Variants in CSMD3 observed in about 807,000 individuals in gnomAD.
CSMD3 encodes CUB and Sushi multiple domains 3.
CSMD3 carries 177 observed loss-of-function variants against 435.2 expected under a neutral mutation model. That is an observed-to-expected ratio of 0.41 (90% CI 0.36 to 0.46). The LOEUF is 0.46. Ranked by LOEUF, CSMD3 falls within the 20% of genes least tolerant of loss-of-function variation. The probability of loss-of-function intolerance (pLI) is 0.34; values close to 1 mark genes in which losing one functional copy is unlikely to be tolerated. For synonymous variants in CSMD3, 1,656 were observed against 1,520.5 expected (o/e 1.09, Z -2.07); for missense variants, 4,265 against 4,504.6 (o/e 0.95, Z 1.52).
At chr8:113,216,440 G>T (rs1051776568) in intron 3 of CSMD3, among the ~76,000 whole-genome samples, 1 of 151,820 alleles carries the variant, frequency 6.6e-6, no homozygotes, top group Admixed American at 6.6e-5. Flanking sequence ...TATGAGTGAT[G>T]TTGTCAAGAG....
At position 112,335,333 on chromosome 8, in the gene CSMD3, A is replaced by G. The variant is rs112977033; in HGVS notation, c.7161T>C (p.Tyr2387=). The G allele has an allele frequency of 6.2e-7, 1 of 1,613,800 alleles. No homozygotes were observed. The highest frequency in any genetic ancestry group is 8.5e-7 in the Non-Finnish European group (1 of 1,179,780). ...GAACTCTCAGATAATACCAACCGTGATAACTGAGCACAAAAAAGCCACTTG... is the reference window on the plus strand; with the variant it reads ...GAACTCTCAGATAATACCAACCGTGGTAACTGAGCACAAAAAAGCCACTTG... ...FTTSGFFVLS[Y]HAYQLRVCQP... Residue 2387 remains tyrosine, a synonymous_variant, in exon 45 of 71, where the codon TAT becomes TAC. Transcript: ENST00000297405.
intron 27 of CSMD3, among the ~76,000 whole-genome samples, chr8:112,530,774 A>G (rs962362697): frequency 1.3e-5 from 2 of 152,188 alleles, no homozygotes; most frequent in African/African-American, 4.8e-5. Flanking sequence ...ATTGGGCAGA[A>G]TTCCAAAGCC....
At chr8:112,225,430 A>T (rs953681274) in intron 70 of CSMD3, among the ~76,000 whole-genome samples, 8 of 152,170 alleles carry the variant, frequency 5.3e-5, no homozygotes, top group African/African-American at 1.9e-4. Context: ...TAAAATAAAT[A>T]AAACCAAAAA....
chr8:112,599,583 G>A (rs1378853192), intron 22 of CSMD3, among the ~76,000 whole-genome samples: 13 of 150,398 alleles, frequency 8.6e-5, no homozygotes, highest in South Asian at 6.5e-4. Flanking sequence ...TGTTTATTGC[G>A]GCATTATTCA....
chr8:112,842,556 T>C (rs915642854), intron 11 of CSMD3, among the ~76,000 whole-genome samples: 3 of 151,740 alleles, frequency 2.0e-5, no homozygotes, highest in South Asian at 2.1e-4. Context: ...TTTGAACATA[T>C]ATATTCCAGG....
intron 5 of CSMD3, among the ~76,000 whole-genome samples, chr8:113,025,966 T>C (rs1432837042): frequency 7.2e-5 from 11 of 152,156 alleles, no homozygotes; most frequent in Admixed American, 2.0e-4. Context: ...CAATGACTAT[T>C]GGCTCCCATA....
At chr8:113,171,677 C>T (rs1319075551) in intron 4 of CSMD3, among the ~76,000 whole-genome samples, 1 of 152,088 alleles carries the variant, frequency 6.6e-6, no homozygotes, top group Non-Finnish European at 1.5e-5. Context: ...AGGTAACAAG[C>T]TCAGGCTTTG....
chr8:113,237,888 A>G (rs1230087893), intron 3 of CSMD3, among the ~76,000 whole-genome samples: 1 of 152,112 alleles, frequency 6.6e-6, no homozygotes, highest in Non-Finnish European at 1.5e-5. Context: ...CAGCCTGGCC[A>G]ATATGGTGAA....
chr8:112,513,061 T>A lies in CSMD3; in HGVS notation c.4756+3973A>T, dbSNP rs192204655. Among the ~76,000 whole-genome samples, 741 of 152,308 alleles carry A rather than the reference T, an allele frequency of 4.9e-3. 6 individuals are homozygous for A. The highest frequency in any genetic ancestry group is 0.01 in the Middle Eastern group (3 of 294). On this transcript the variant is annotated intron_variant, in intron 28 of 70. Transcript: ENST00000297405. ...TGGATTAGGTTTTGGCTTATGGGAA[T>A]GTTGTGGCTGGTTTGATCTTCTATT... is the stretch of plus-strand genomic sequence containing the variant.
rs1563653778 is a variant in CSMD3 at position 112,224,882 on chromosome 8, G to A, written c.11013C>T (p.Asn3671=). ...QYTGCSVHEN[N]NGQAAFENPM... is the part of the protein sequence containing the mutation. The stretch of plus-strand genomic sequence containing the variant: ...GATTTTCAAAAGCTGCTTGGCCATT[G>A]TTATTTTCATGAACTGAACATCCTG... Residue 3671 remains asparagine, a synonymous_variant, in exon 71 of 71, where the codon AAC becomes AAT. Transcript: ENST00000297405. The A allele has an allele frequency of 1.2e-6, 2 of 1,613,898 alleles. No individual in the cohort carries two copies. The highest frequency in any genetic ancestry group is 1.7e-6 in the Non-Finnish European group (2 of 1,179,910).
At chr8:112,414,703 G>C (rs949158188) in intron 32 of CSMD3, among the ~76,000 whole-genome samples, 1 of 152,102 alleles carries the variant, frequency 6.6e-6, no homozygotes, top group Non-Finnish European at 1.5e-5. Context: ...GGAAAGTTTG[G>C]AACTCCCTAA....
intron 38 of CSMD3, among the ~76,000 whole-genome samples, chr8:112,377,594 C>G (rs1169027633): frequency 6.6e-6 from 1 of 152,048 alleles, no homozygotes; most frequent in Non-Finnish European, 1.5e-5. Context: ...CAAAAATCCT[C>G]AACAACATGA....
intron 6 of CSMD3, among the ~76,000 whole-genome samples, chr8:112,979,912 CAAAAATGAAAT>C (rs2084987281): frequency 6.6e-6 from 1 of 150,786 alleles, no homozygotes; most frequent in South Asian, 2.1e-4. Context: ...CCTAAACTAA[CAAAAATGAAAT>C]AAAAATGATT....
At chr8:112,931,355 C>G (rs952979038) in intron 9 of CSMD3, among the ~76,000 whole-genome samples, 1 of 151,914 alleles carries the variant, frequency 6.6e-6, no homozygotes, top group Non-Finnish European at 1.5e-5. Flanking sequence ...TTCCAACACT[C>G]TCTTCAATAA....
intron 36 of CSMD3, among the ~76,000 whole-genome samples, chr8:112,388,659 G>A (rs1039911345): frequency 6.6e-6 from 1 of 152,176 alleles, no homozygotes; most frequent in African/African-American, 2.4e-5. Flanking sequence ...TGTCCAGTGG[G>A]CAGTCGGACA....
Position 112,254,295 on chromosome 8 carries a change from A to C in CSMD3, c.10068T>G (p.Gly3356=), listed in dbSNP as rs145408373. ...EPTQTSCENP[G]VPRHGSQNNT... The stretch of plus-strand genomic sequence containing the variant: ...TGTTCTGAGATCCATGCCGAGGCAC[A>C]CCTGGGTTTTCACAAGAGGTTTGGG... The change falls in exon 63 of 71, where the codon GGT becomes GGG. Residue 3356 remains glycine (G), a synonymous_variant. Coordinates refer to ENST00000297405, the MANE Select transcript of CSMD3 (RefSeq NM_198123.2). 2.5e-6 allele frequency: 4 copies of C among 1,612,624 alleles called. No individual in the cohort carries two copies. Among genetic ancestry groups the C allele is most frequent in the Non-Finnish European group, 3.4e-6 (4 of 1,178,946 alleles).
chr8:112,618,852 T>C (rs969835652), intron 22 of CSMD3, among the ~76,000 whole-genome samples: 1 of 152,152 alleles, frequency 6.6e-6, no homozygotes. Context: ...TATAACTGTT[T>C]CTTTTTGGGC....
At chr8:113,211,356 C>G (rs2092832449) in intron 3 of CSMD3, among the ~76,000 whole-genome samples, 1 of 152,078 alleles carries the variant, frequency 6.6e-6, no homozygotes, top group Admixed American at 6.6e-5. Flanking sequence ...TTTGGAAAAT[C>G]ACTGAAGGTC....
intron 54 of CSMD3, among the ~76,000 whole-genome samples, chr8:112,294,095 G>C (rs894537032): frequency 1.3e-5 from 2 of 151,938 alleles, no homozygotes; most frequent in Admixed American, 1.3e-4. Context: ...GCTTGGGGGG[G>C]GTGTAGGGGT....
Sources: gnomAD v4.1 joint callset for allele counts (sites outside exome capture counted in the v4.1 genomes callset) on GRCh38, gnomAD v4.1.1 for gene constraint, MANE v1.5 for transcripts, NCBI Gene and HGNC (gene_info 2026-07-23, HGNC 2026-07-21) for gene names.